The following LMX1A variants were observed in gnomAD, a reference collection of about 807,000 sequenced individuals.
The protein encoded by LMX1A is LIM homeobox transcription factor 1-alpha.
A neutral mutation model predicts 49.1 loss-of-function variants in LMX1A; 15 were observed. That is an observed-to-expected ratio of 0.31 (90% CI 0.20 to 0.47). The LOEUF is 0.47. Among genes scored for constraint, LMX1A ranks in the 20% least tolerant of loss-of-function variants. The pLI is 1.00. For synonymous variants in LMX1A, 167 were observed against 185.7 expected, an observed-to-expected ratio of 0.90 and a Z score of 0.82; for missense variants, 372 against 475.8, an observed-to-expected ratio of 0.78 and a Z score of 2.03.
intron 3 of LMX1A, among the ~76,000 whole-genome samples, chr1:165,348,469 G>A (rs1164855005): frequency 2.0e-5 from 3 of 152,142 alleles, no homozygotes; most frequent in South Asian, 2.1e-4. Context: ...ACACAGCCAC[G>A]GCCCATGGAC....
chr1:165,318,005 C>T lies in LMX1A; in HGVS notation c.263+35071G>A, dbSNP rs1655273323. On this transcript the variant is annotated intron_variant, in intron 3 of 8. Coordinates refer to ENST00000342310, the MANE Select transcript of LMX1A (RefSeq NM_177398.4). ...GGAAGCAAAGCTGACTGAGGAAAAG[C>T]ACTAAATCATTTCGCTTCATGTTCT... 2.6e-5 allele frequency among the ~76,000 whole-genome samples: 4 copies of T among 152,236 alleles called. No individual in the cohort carries two copies. The South Asian group carries it at 8.3e-4, about 32-fold the overall frequency.
At chr1:165,344,122 G>A (rs1404132356) in intron 3 of LMX1A, among the ~76,000 whole-genome samples, 1 of 152,224 alleles carries the variant, frequency 6.6e-6, no homozygotes, top group Non-Finnish European at 1.5e-5. Flanking sequence ...AAGTGCTGTG[G>A]TTGAATCCAG....
At chr1:165,287,447 C>A (rs1347485537) in intron 3 of LMX1A, among the ~76,000 whole-genome samples, 1 of 152,160 alleles carries the variant, frequency 6.6e-6, no homozygotes, top group Non-Finnish European at 1.5e-5. Context: ...GAGGCGGTGA[C>A]AAGACTGGGC....
intron 3 of LMX1A, among the ~76,000 whole-genome samples, chr1:165,332,383 A>T (rs2101753531): frequency 6.6e-6 from 1 of 152,318 alleles, no homozygotes; most frequent in South Asian, 2.1e-4. Flanking sequence ...AGACTCAGCT[A>T]TCTACTGTCT....
At chr1:165,318,042 G>A (rs1655273981) in intron 3 of LMX1A, among the ~76,000 whole-genome samples, 1 of 152,200 alleles carries the variant, frequency 6.6e-6, no homozygotes, top group Admixed American at 6.5e-5. Context: ...TCCTCCTTCT[G>A]CCCCTGGTTG....
intron 3 of LMX1A, among the ~76,000 whole-genome samples, chr1:165,323,176 C>T (rs771562636): frequency 1.3e-5 from 2 of 152,100 alleles, no homozygotes; most frequent in Non-Finnish European, 2.9e-5. Flanking sequence ...AGTCAAATTT[C>T]AATTAATAAA....
At chr1:165,208,037 C>A in intron 7 of LMX1A, 26 bp downstream of exon 7, 1 of 1,608,430 alleles carries the variant, frequency 6.2e-7, no homozygotes, top group Non-Finnish European at 8.5e-7. Flanking sequence ...CCAGCCAGAA[C>A]TGCCTGGGAG....
rs77408724 is a variant in LMX1A at position 165,240,502 on chromosome 1, A to C, written c.496+8906T>G. On this transcript the variant is annotated intron_variant, in intron 4 of 8. Transcript: ENST00000342310. ...GTTTTTCTCAATTGTGCTGCTCAGCATTCACTATTCCTCTGCCTTTCTTTT... is the reference window on the plus strand; with the variant it reads ...GTTTTTCTCAATTGTGCTGCTCAGCCTTCACTATTCCTCTGCCTTTCTTTT... 1.5e-3 allele frequency among the ~76,000 whole-genome samples: 235 copies of C among 152,326 alleles called. 6 individuals are homozygous for C. In the East Asian group the frequency reaches 0.042, roughly 27 times the overall value.
intron 3 of LMX1A, among the ~76,000 whole-genome samples, chr1:165,284,644 C>A (rs1254676346): frequency 6.6e-6 from 1 of 152,240 alleles, no homozygotes; most frequent in African/African-American, 2.4e-5. Flanking sequence ...GCCCACAGGG[C>A]CTTTTAAACT....
chr1:165,281,338 C>T (rs977976509), intron 3 of LMX1A, among the ~76,000 whole-genome samples: 1 of 152,208 alleles, frequency 6.6e-6, no homozygotes, highest in Non-Finnish European at 1.5e-5. Context: ...AGCTGGCATA[C>T]CCAGCTCTAA....
intron 4 of LMX1A, among the ~76,000 whole-genome samples, chr1:165,215,086 G>A (rs999360346): frequency 3.9e-5 from 6 of 152,136 alleles, no homozygotes; most frequent in Admixed American, 3.9e-4. Context: ...GGGAGGCCAG[G>A]GCAGGTGGAT....
At chr1:165,294,680 C>A (rs60754259) in intron 3 of LMX1A, among the ~76,000 whole-genome samples, 4 of 152,258 alleles carry the variant, frequency 2.6e-5, no homozygotes, top group African/African-American at 9.6e-5. Flanking sequence ...AAATTACATG[C>A]GGGCTGGGCA....
intron 3 of LMX1A, among the ~76,000 whole-genome samples, chr1:165,263,513 G>T (rs553922873): frequency 1.5e-3 from 224 of 152,262 alleles, no homozygotes; most frequent in African/African-American, 5.3e-3. Context: ...TCAAAGAATA[G>T]CCAGGACAGT....
chr1:165,251,714 A>T (rs1307694863), intron 3 of LMX1A, among the ~76,000 whole-genome samples: 1 of 152,084 alleles, frequency 6.6e-6, no homozygotes, highest in Non-Finnish European at 1.5e-5. Context: ...TTCCTGTTTA[A>T]TATATCTGAA....
intron 3 of LMX1A, among the ~76,000 whole-genome samples, chr1:165,270,635 T>G (rs934827309): frequency 2.0e-5 from 3 of 152,162 alleles, no homozygotes; most frequent in Admixed American, 1.3e-4. Flanking sequence ...AAATTCTTAT[T>G]TCCTGCCAGA....
intron 4 of LMX1A, among the ~76,000 whole-genome samples, chr1:165,222,511 A>C (rs560149356): frequency 6.6e-6 from 1 of 152,350 alleles, no homozygotes; most frequent in African/African-American, 2.4e-5. Flanking sequence ...AGAAAATTAA[A>C]TTGTTTCTAG....
intron 6 of LMX1A, among the ~76,000 whole-genome samples, chr1:165,208,828 T>C (rs1651222932): frequency 6.6e-6 from 1 of 152,110 alleles, no homozygotes; most frequent in Admixed American, 6.6e-5. Context: ...TTTGTATTTT[T>C]ACTAGAGACG....
chr1:165,253,767 G>T (rs1653136823), intron 3 of LMX1A, among the ~76,000 whole-genome samples: 1 of 152,198 alleles, frequency 6.6e-6, no homozygotes, highest in Non-Finnish European at 1.5e-5. Flanking sequence ...AGTCCAAGGG[G>T]TTGGAATGGC....
At chr1:165,266,251 C>T (rs533185924) in intron 3 of LMX1A, among the ~76,000 whole-genome samples, 7 of 152,268 alleles carry the variant, frequency 4.6e-5, no homozygotes, top group Admixed American at 2.6e-4. Context: ...GGATAACTGA[C>T]GTTAGAGCAA....
Sources: allele counts gnomAD v4.1 joint callset (sites outside exome capture counted in the v4.1 genomes callset), GRCh38; gene constraint gnomAD v4.1.1; transcripts MANE v1.5; gene names NCBI Gene and HGNC (gene_info 2026-07-23, HGNC 2026-07-21).